MAML3: variants seen among roughly 807,000 people sequenced by gnomAD.
The protein encoded by MAML3 is mastermind like transcriptional coactivator 3, also known as mastermind-like protein 3.
Under a neutral mutation model 101.9 loss-of-function variants are expected in MAML3, and 27 were observed. That is an observed-to-expected ratio of 0.27 (90% CI 0.20 to 0.37). The LOEUF (loss-of-function observed/expected upper bound fraction) is 0.37. Ranked by LOEUF, MAML3 falls within the 10% of genes least tolerant of loss-of-function variation. The probability of loss-of-function intolerance (pLI) is 1.00; values close to 1 mark genes in which losing one functional copy is unlikely to be tolerated. For synonymous variants in MAML3, 501 were observed against 555.9 expected, an observed-to-expected ratio of 0.90 and a Z score of 1.39; for missense variants, 1,316 against 1,444.9, an observed-to-expected ratio of 0.91 and a Z score of 1.45.
chr4:140,078,291 ACTTTATCAAG>A (rs1271000310), intron 1 of MAML3, among the ~76,000 whole-genome samples: 1 of 152,156 alleles, frequency 6.6e-6, no homozygotes, highest in Non-Finnish European at 1.5e-5. Context: ...ATAATTTCCA[ACTTTATCAAG>A]CTACTAAACA....
In MAML3 at chr4:139,720,211, G is replaced by A; in HGVS notation, c.2529C>T (p.Asn843=). ...CAGCTGCGGTGGCCATCGTCCCAGG[G>A]TTCTGGGAGGGTCCTATTCCCATCA... ...AGMMGIGPSQ[N]PGTMATAAAQ... Residue 843 remains asparagine (N), a synonymous_variant, in exon 5 of 5, where the codon AAC becomes AAT. Transcript: ENST00000509479. The A allele has an allele frequency of 1.2e-6, 2 of 1,613,750 alleles. No individual in the cohort carries two copies. Among genetic ancestry groups the A allele is most frequent in the Non-Finnish European group, 1.7e-6 (2 of 1,179,720 alleles).
intron 2 of MAML3, among the ~76,000 whole-genome samples, chr4:139,842,762 CTTTTTTTTTT>C (rs71584337): frequency 8.7e-4 from 27 of 30,942 alleles, no homozygotes; most frequent in African/African-American, 2.7e-3. Flanking sequence ...ATCCGCTTGC[CTTTTTTTTTT>C]TTTTTTTTTT....
At chr4:139,913,436 TGGTCTTTGTC>T (rs1732968599) in intron 1 of MAML3, among the ~76,000 whole-genome samples, 1 of 152,240 alleles carries the variant, frequency 6.6e-6, no homozygotes, top group Non-Finnish European at 1.5e-5. Flanking sequence ...TTTCTGACTT[TGGTCTTTGTC>T]CTAAGTGCCA....
At chr4:139,757,296 A>G (rs1182711367) in intron 2 of MAML3, among the ~76,000 whole-genome samples, 1 of 151,980 alleles carries the variant, frequency 6.6e-6, no homozygotes, top group Non-Finnish European at 1.5e-5. Flanking sequence ...TACACCCTCT[A>G]GCCACCAGGT....
At chr4:140,017,449 T>G (rs1182204201) in intron 1 of MAML3, among the ~76,000 whole-genome samples, 1 of 152,104 alleles carries the variant, frequency 6.6e-6, no homozygotes, top group African/African-American at 2.4e-5. Context: ...TCCTGGATAT[T>G]TATCCCAGAA....
At chr4:140,067,062 T>C (rs1343134808) in intron 1 of MAML3, among the ~76,000 whole-genome samples, 1 of 152,222 alleles carries the variant, frequency 6.6e-6, no homozygotes, top group East Asian at 1.9e-4. Context: ...TAATACATTT[T>C]GGCATGCCTT....
chr4:140,128,812 G>A lies in MAML3; in HGVS notation c.468+24048C>T, dbSNP rs115624194. 2.2e-3 allele frequency among the ~76,000 whole-genome samples: 341 copies of A among 152,324 alleles called. 2 individuals carry two copies. The highest frequency in any genetic ancestry group is 4.8e-3 in the Admixed American group (74 of 15,306). The stretch of plus-strand genomic sequence containing the variant: ...ACTAACACCCCAGCAAGCCAGAAGC[G>A]TCTCCCTGTCCTTGAGGTCAGGGCA... On this transcript the variant is annotated intron_variant, in intron 1 of 4. Transcript: ENST00000509479.
chr4:140,037,355 T>C (rs1727004082), intron 1 of MAML3, among the ~76,000 whole-genome samples: 1 of 152,220 alleles, frequency 6.6e-6, no homozygotes, highest in South Asian at 2.1e-4. Flanking sequence ...ATTATCTTTC[T>C]GCTCTAAAAC....
chr4:140,027,134 A>C (rs2110885933), intron 1 of MAML3, among the ~76,000 whole-genome samples: 1 of 151,550 alleles, frequency 6.6e-6, no homozygotes, highest in South Asian at 2.1e-4. Context: ...CGACTCTATT[A>C]TCTGTGACTC....
At chr4:139,811,486 C>G (rs865894288) in intron 2 of MAML3, among the ~76,000 whole-genome samples, 2 of 152,162 alleles carry the variant, frequency 1.3e-5, no homozygotes, top group Admixed American at 6.5e-5. Context: ...ACTGGTGAAC[C>G]AGGGAAACCT....
intron 2 of MAML3, among the ~76,000 whole-genome samples, chr4:139,809,401 T>C (rs1169274855): frequency 6.6e-6 from 1 of 152,178 alleles, no homozygotes; most frequent in Non-Finnish European, 1.5e-5. Flanking sequence ...GATTGGAATA[T>C]TGTTTATTTT....
intron 1 of MAML3, among the ~76,000 whole-genome samples, chr4:139,917,948 T>C (rs907603538): frequency 2.0e-5 from 3 of 152,028 alleles, no homozygotes; most frequent in Non-Finnish European, 4.4e-5. Context: ...TTGAGGCGAG[T>C]CCCTTTATAA....
intron 1 of MAML3, among the ~76,000 whole-genome samples, chr4:139,921,464 T>C (rs527287193): frequency 1.6e-3 from 245 of 152,276 alleles, no homozygotes; most frequent in Non-Finnish European, 3.0e-3. Context: ...AAAACAAGCA[T>C]AGAGAGCTTG....
At chr4:139,907,758 T>C (rs1458674947) in intron 1 of MAML3, among the ~76,000 whole-genome samples, 3 of 152,230 alleles carry the variant, frequency 2.0e-5, no homozygotes, top group Non-Finnish European at 2.9e-5. Context: ...TGCATAACAC[T>C]TGTCTGACAC....
chr4:140,045,023 C>T (rs1003297615), intron 1 of MAML3, among the ~76,000 whole-genome samples: 7 of 152,200 alleles, frequency 4.6e-5, no homozygotes, highest in Non-Finnish European at 1.0e-4. Context: ...CTCAAAATAT[C>T]ATCACAGAGA....
chr4:140,081,720 G>A (rs1042647221), intron 1 of MAML3, among the ~76,000 whole-genome samples: 2 of 152,150 alleles, frequency 1.3e-5, no homozygotes, highest in African/African-American at 4.8e-5. Flanking sequence ...CATCTAATGG[G>A]GAGGGTAGGA....
At chr4:139,986,696 C>A (rs1054517428) in intron 1 of MAML3, among the ~76,000 whole-genome samples, 6 of 151,860 alleles carry the variant, frequency 4.0e-5, no homozygotes, top group African/African-American at 1.5e-4. Flanking sequence ...AGAGGTGAAC[C>A]GGAGAGCAAA....
intron 2 of MAML3, among the ~76,000 whole-genome samples, chr4:139,798,607 C>G (rs1362351225): frequency 6.6e-6 from 1 of 152,226 alleles, no homozygotes; most frequent in Admixed American, 6.5e-5. Context: ...TGTGCTCTCC[C>G]TATGCAATTT....
intron 1 of MAML3, among the ~76,000 whole-genome samples, chr4:140,026,573 A>G (rs1273811872): frequency 6.6e-6 from 1 of 152,210 alleles, no homozygotes; most frequent in East Asian, 1.9e-4. Context: ...ATTAAAATGC[A>G]AATAAAAACC....
Sources: allele counts gnomAD v4.1 joint callset (sites outside exome capture counted in the v4.1 genomes callset), GRCh38; gene constraint gnomAD v4.1.1; transcripts MANE v1.5; gene names NCBI Gene and HGNC (gene_info 2026-07-23, HGNC 2026-07-21).